The following GOLIM4 variants were observed in gnomAD, a reference collection of about 807,000 sequenced individuals.
The protein encoded by GOLIM4 is 130 kDa golgi-localized phosphoprotein.
A neutral mutation model predicts 107.4 loss-of-function variants in GOLIM4; 71 were observed. The observed-to-expected ratio is 0.66, with a 90% CI of 0.55 to 0.81. GOLIM4 has a LOEUF of 0.81. Among genes scored for constraint, GOLIM4 ranks in the 30% least tolerant of loss-of-function variants. GOLIM4 has a pLI of 0.00. For synonymous variants in GOLIM4, 327 were observed against 294.8 expected (o/e 1.11, Z -1.12); for missense variants, 830 against 826.1 (o/e 1.00, Z -0.06).
chr3:168,012,802 G>A (rs920191210), intron 14 of GOLIM4, among the ~76,000 whole-genome samples: 8 of 151,990 alleles, frequency 5.3e-5, no homozygotes, highest in African/African-American at 1.5e-4. Flanking sequence ...CTTCATAAGC[G>A]AAGGAGAAAT....
intron 1 of GOLIM4, among the ~76,000 whole-genome samples, chr3:168,077,287 CCCAT>C (rs1481115731): frequency 2.0e-5 from 3 of 152,194 alleles, no homozygotes; most frequent in African/African-American, 7.2e-5. Context: ...TCTTCACCAT[CCCAT>C]TAACGTTTGG....
intron 3 of GOLIM4, 101 bp downstream of exon 3, chr3:168,046,849 C>A (rs2108251357): frequency 8.7e-6 from 5 of 571,886 alleles, no homozygotes; most frequent in Admixed American, 8.6e-5. Flanking sequence ...TCCCAGGGAT[C>A]AAAAAGTAAA....
rs1003078209 is a variant in GOLIM4, at chr3:168,008,753, A to G, written c.*1516T>C. 3 of 152,134 alleles carry G rather than the reference A, an allele frequency of 2.0e-5. No homozygotes were observed. The highest frequency in any genetic ancestry group is 7.2e-5 in the African/African-American group (3 of 41,444). The allele number at this position is 152,134 out of a possible 1,614,324, so 9.4% of individuals were successfully genotyped here. A position where few individuals can be genotyped will look rare whatever the true frequency, so the allele number is the denominator to read the frequency against. On this transcript the variant is annotated 3_prime_UTR_variant, in exon 16 of 16. Transcript: ENST00000470487. The stretch of plus-strand genomic sequence containing the variant: ...TATGGTTCAAATAATTAAATACTGC[A>G]ACTGGGACATTAAAAATACAAGCTA...
intron 14 of GOLIM4, among the ~76,000 whole-genome samples, chr3:168,012,196 G>A (rs1717082915): frequency 7.6e-6 from 1 of 131,072 alleles, no homozygotes; most frequent in Non-Finnish European, 1.5e-5. Flanking sequence ...GTGCTTAAAG[G>A]AGCTGATGGA....
chr3:168,067,055 T>C (rs1720587850), intron 1 of GOLIM4, among the ~76,000 whole-genome samples: 1 of 152,102 alleles, frequency 6.6e-6, no homozygotes, highest in African/African-American at 2.4e-5. Flanking sequence ...TAAAAGTAAC[T>C]AAGATAATTA....
intron 1 of GOLIM4, among the ~76,000 whole-genome samples, chr3:168,071,324 T>C (rs1273367795): frequency 2.0e-5 from 3 of 152,186 alleles, no homozygotes; most frequent in African/African-American, 7.2e-5. Context: ...TAATGTTAAA[T>C]TAAGGGCCTA....
intron 8 of GOLIM4, among the ~76,000 whole-genome samples, chr3:168,034,713 G>GA (rs1718537020): frequency 1.3e-5 from 2 of 152,272 alleles, no homozygotes; most frequent in Admixed American, 6.5e-5. Context: ...CGTGTTGTGG[G>GA]AAGAACCCGG....
At chr3:168,056,174 G>A (rs946252061) in intron 1 of GOLIM4, among the ~76,000 whole-genome samples, 1 of 152,238 alleles carries the variant, frequency 6.6e-6, no homozygotes, top group Admixed American at 6.5e-5. Flanking sequence ...ATGGCTGAAA[G>A]GCACCAACAT....
chr3:168,057,908 C>G (rs1029081435), intron 1 of GOLIM4, among the ~76,000 whole-genome samples: 1 of 152,158 alleles, frequency 6.6e-6, no homozygotes, highest in Non-Finnish European at 1.5e-5. Flanking sequence ...CCACCTTTCC[C>G]TGCCATCTTC....
In GOLIM4 at chr3:168,041,500, C is replaced by A. The variant is rs749225775; in HGVS notation, c.518-26G>T. ...CTATTTTAGAAAAAGAAGGATCACA[C>A]ATAAAGCCTTGAAACTTTCAGGATT... On this transcript the variant is annotated intron_variant, in intron 5 of 15. Coordinates refer to ENST00000470487, the MANE Select transcript of GOLIM4 (RefSeq NM_014498.5). The A allele has an allele frequency of 2.9e-5, 32 of 1,112,926 alleles. No individual in the cohort carries two copies. In the Admixed American group the frequency reaches 5.3e-4, roughly 19 times the overall value. 68.9% of individuals were successfully genotyped at this position (1,112,926 alleles called of 1,614,324 possible). A position where few individuals can be genotyped will look rare whatever the true frequency, so the allele number is the denominator to read the frequency against.
chr3:168,026,250 A>ATC (rs10634544), intron 12 of GOLIM4, among the ~76,000 whole-genome samples: 29,491 of 152,012 alleles, frequency 0.19, 6,252 homozygotes, highest in African/African-American at 0.53. Flanking sequence ...TTACTCCACA[A>ATC]TCTCTTGTCA....
chr3:168,060,663 C>T (rs1440421845), intron 1 of GOLIM4, among the ~76,000 whole-genome samples: 3 of 152,112 alleles, frequency 2.0e-5, no homozygotes, highest in Non-Finnish European at 4.4e-5. Flanking sequence ...AAATAATCCG[C>T]GGTATTCCTC....
chr3:168,069,026 G>A (rs915919787), intron 1 of GOLIM4, among the ~76,000 whole-genome samples: 1 of 151,832 alleles, frequency 6.6e-6, no homozygotes, highest in Non-Finnish European at 1.5e-5. Context: ...TAGTAGAGAT[G>A]GGGTTTCACC....
intron 1 of GOLIM4, among the ~76,000 whole-genome samples, chr3:168,058,931 C>G (rs1239904165): frequency 2.0e-5 from 3 of 152,044 alleles, no homozygotes; most frequent in Non-Finnish European, 4.4e-5. Context: ...TGCAGCTGGA[C>G]AGCATCATAG....
At position 168,032,587 on chromosome 3, in the gene GOLIM4, C is replaced by T. The variant is rs756385472; in HGVS notation, c.1109G>A (p.Arg370Gln). The T allele has an allele frequency of 1.1e-5, 18 of 1,613,966 alleles. No individual in the cohort carries two copies. The East Asian group carries it at 1.3e-4, about 12-fold the overall frequency. ...TTGCTCATGCTGCTCTTTCCACTCC[C>T]GATCCTGCTCCTCTGGTGATGGATC... is the stretch of plus-strand genomic sequence containing the variant. ...EHDPSPEEQD[R>Q]EWKEQHEQRE... is the part of the protein sequence containing the mutation. Residue 370 changes from arginine (R) to glutamine (Q), a missense_variant, in exon 9 of 16, where the codon CGG (arginine) becomes CAG (glutamine). By Grantham distance (43) the Arg-to-Gln change is conservative (BLOSUM62 1). Coordinates refer to ENST00000470487, the MANE Select transcript of GOLIM4 (RefSeq NM_014498.5).
chr3:168,034,490 G>A (rs1440633485), intron 8 of GOLIM4, among the ~76,000 whole-genome samples: 1 of 152,222 alleles, frequency 6.6e-6, no homozygotes, highest in Non-Finnish European at 1.5e-5. Flanking sequence ...GAACCTGTCT[G>A]TTGAAGGAAT....
intron 1 of GOLIM4, among the ~76,000 whole-genome samples, chr3:168,056,791 C>G (rs1386385323): frequency 6.6e-6 from 1 of 152,176 alleles, no homozygotes; most frequent in Non-Finnish European, 1.5e-5. Flanking sequence ...CTCATTGTAT[C>G]TAGGAAGTAA....
At chr3:168,078,150 CCT>C (rs772432007) in intron 1 of GOLIM4, among the ~76,000 whole-genome samples, 7 of 151,874 alleles carry the variant, frequency 4.6e-5, no homozygotes, top group African/African-American at 1.5e-4. Context: ...ATAGGAATCC[CCT>C]GTTAATTATT....
chr3:168,055,217 C>CTG (rs1719876688), intron 1 of GOLIM4, among the ~76,000 whole-genome samples: 1 of 152,108 alleles, frequency 6.6e-6, no homozygotes, highest in Non-Finnish European at 1.5e-5. Flanking sequence ...AGCTTGGAGG[C>CTG]TCAGAAGAAG....
Sources: allele counts gnomAD v4.1 joint callset (sites outside exome capture counted in the v4.1 genomes callset), GRCh38; gene constraint gnomAD v4.1.1; transcripts MANE v1.5; gene names NCBI Gene and HGNC (gene_info 2026-07-23, HGNC 2026-07-21).